TRAPPC9: variants seen among roughly 807,000 people sequenced by gnomAD.
The protein encoded by TRAPPC9 is IKK2 binding protein.
In TRAPPC9, 83 loss-of-function variants were observed where a neutral mutation model predicts 124.0. The observed-to-expected ratio is 0.67, with a 90% CI of 0.56 to 0.80. TRAPPC9 has a LOEUF of 0.80. TRAPPC9 is among the 30% of genes least tolerant of loss of function. TRAPPC9 has a pLI of 0.00. For synonymous variants in TRAPPC9, 638 were observed against 617.5 expected, an observed-to-expected ratio of 1.03 and a Z score of -0.49; for missense variants, 1,302 against 1,508.3, an observed-to-expected ratio of 0.86 and a Z score of 2.27.
intron 17 of TRAPPC9, among the ~76,000 whole-genome samples, chr8:140,056,939 G>A (rs932555364): frequency 1.8e-4 from 28 of 152,066 alleles, no homozygotes; most frequent in African/African-American, 3.6e-4. Context: ...TATCCAAAAC[G>A]TATAAAGAAC....
At chr8:140,324,097 T>C (rs1327109775) in intron 9 of TRAPPC9, among the ~76,000 whole-genome samples, 1 of 152,152 alleles carries the variant, frequency 6.6e-6, no homozygotes, top group Non-Finnish European at 1.5e-5. Context: ...TCTTTTGCCT[T>C]GCATCCTTAC....
intron 18 of TRAPPC9, among the ~76,000 whole-genome samples, chr8:139,995,879 A>C (rs1219224710): frequency 6.6e-6 from 1 of 150,646 alleles, no homozygotes; most frequent in African/African-American, 2.4e-5. Context: ...AAAAAAAAAA[A>C]AAAAGTACCA....
chr8:140,075,620 TA>T (rs1400571529), intron 17 of TRAPPC9, among the ~76,000 whole-genome samples: 1 of 152,204 alleles, frequency 6.6e-6, no homozygotes, highest in East Asian at 1.9e-4. Context: ...CAACATTTGT[TA>T]AGCATGTATA....
chr8:139,948,988 GCTTGAA>G (rs1834458679), intron 19 of TRAPPC9, among the ~76,000 whole-genome samples: 1 of 152,018 alleles, frequency 6.6e-6, no homozygotes, highest in Non-Finnish European at 1.5e-5. Context: ...CGGGAGAATC[GCTTGAA>G]CCCAGGAGGC....
chr8:140,414,230 T>TA (rs2069818517), intron 5 of TRAPPC9, among the ~76,000 whole-genome samples: 2 of 152,048 alleles, frequency 1.3e-5, no homozygotes, highest in Non-Finnish European at 2.9e-5. Context: ...TAGAAATTTT[T>TA]AAAAAATAAA....
At chr8:140,038,287 C>G (rs1841042236) in intron 17 of TRAPPC9, among the ~76,000 whole-genome samples, 1 of 152,224 alleles carries the variant, frequency 6.6e-6, no homozygotes, top group Admixed American at 6.5e-5. Context: ...TTGTTCACCT[C>G]TGCTCACCCG....
chr8:140,334,455 G>A (rs1362545679), intron 9 of TRAPPC9, among the ~76,000 whole-genome samples: 1 of 152,078 alleles, frequency 6.6e-6, no homozygotes, highest in African/African-American at 2.4e-5. Context: ...TTCGACACTA[G>A]CCTAGCCAAC....
Position 139,901,022 on chromosome 8 carries a change from A to C in TRAPPC9, c.2964+9125T>G, listed in dbSNP as rs190903657. Among the ~76,000 whole-genome samples the C allele has an allele frequency of 2.0e-5, 3 of 150,246 alleles. No homozygotes were observed. The East Asian group carries it at 5.8e-4, about 29-fold the overall frequency. ...TAAATAAAATAAATAAATAAATAAA[A>C]ATAAAATAAAAGTAAGTGCTATGCT... On this transcript the variant is annotated intron_variant, in intron 20 of 22. Transcript: ENST00000438773.
At chr8:139,860,831 G>T (rs557695842) in intron 21 of TRAPPC9, among the ~76,000 whole-genome samples, 10 of 152,346 alleles carry the variant, frequency 6.6e-5, no homozygotes, top group African/African-American at 1.9e-4. Flanking sequence ...TCCTGCTGAG[G>T]GGCCTCCCAG....
At chr8:140,397,544 A>G in intron 7 of TRAPPC9, 76 bp downstream of exon 7, 1 of 1,576,642 alleles carries the variant, frequency 6.3e-7, no homozygotes, top group South Asian at 1.1e-5. Context: ...GCAAAACGAA[A>G]TAAGCTGAAT....
At chr8:140,283,762 A>G (rs905664672) in intron 14 of TRAPPC9, 127 bp downstream of exon 14, 18 of 999,924 alleles carry the variant, frequency 1.8e-5, no homozygotes, top group African/African-American at 4.8e-5. Context: ...CTTATCTTAC[A>G]GAAATCCTTC....
At chr8:140,158,431 G>A (rs1276747359) in intron 17 of TRAPPC9, among the ~76,000 whole-genome samples, 1 of 152,212 alleles carries the variant, frequency 6.6e-6, no homozygotes, top group Non-Finnish European at 1.5e-5. Flanking sequence ...AAGAGATGCA[G>A]GCAGCCTGCA....
At chr8:140,389,498 G>C (rs753646731) in intron 7 of TRAPPC9, among the ~76,000 whole-genome samples, 1 of 152,128 alleles carries the variant, frequency 6.6e-6, no homozygotes, top group Non-Finnish European at 1.5e-5. Context: ...GAGTGCCACA[G>C]GATGGAACAT....
In TRAPPC9 at chr8:140,442,576, C is replaced by T. The variant is rs557668485; in HGVS notation, c.585-3379G>A. On this transcript the variant is annotated intron_variant, in intron 2 of 22. Transcript: ENST00000438773. The stretch of plus-strand genomic sequence containing the variant: ...TTGCACCACTGCACTCCAACCTGGT[C>T]GACAGAGCGAGCCTCTGTCAAAAAA... 7.1e-5 allele frequency among the ~76,000 whole-genome samples: 10 copies of T among 141,772 alleles called. No homozygotes were observed. In the South Asian group the frequency reaches 1.3e-3, roughly 19 times the overall value. 93.0% of individuals were successfully genotyped at this position (141,772 alleles called of 152,430 possible).
At chr8:139,885,857 T>G (rs1190283712) in intron 21 of TRAPPC9, 22 bp downstream of exon 21, 3 of 1,552,942 alleles carry the variant, frequency 1.9e-6, no homozygotes, top group Non-Finnish European at 2.6e-6. Context: ...CCAGAATCGA[T>G]GGGTGGCTGG....
chr8:139,870,124 T>A (rs577604234), intron 21 of TRAPPC9, among the ~76,000 whole-genome samples: 1 of 152,022 alleles, frequency 6.6e-6, no homozygotes, highest in Non-Finnish European at 1.5e-5. Context: ...CAGAAGAGAG[T>A]CCAACAATTT....
chr8:139,744,730 G>T (rs1818778307), intron 21 of TRAPPC9, among the ~76,000 whole-genome samples: 1 of 152,202 alleles, frequency 6.6e-6, no homozygotes, highest in Non-Finnish European at 1.5e-5. Flanking sequence ...CTCTTCCCTG[G>T]CATCCTGGGA....
At chr8:139,747,149 C>G (rs1298777249) in intron 21 of TRAPPC9, among the ~76,000 whole-genome samples, 1 of 152,188 alleles carries the variant, frequency 6.6e-6, no homozygotes, top group African/African-American at 2.4e-5. Flanking sequence ...TTCTCTCAAG[C>G]CTGTCTAAAT....
intron 16 of TRAPPC9, among the ~76,000 whole-genome samples, chr8:140,232,091 C>A (rs1474066649): frequency 6.6e-6 from 1 of 151,320 alleles, no homozygotes; most frequent in African/African-American, 2.4e-5. Flanking sequence ...TTTAAAAAAA[C>A]ATCTTAAAAT....
Sources: gnomAD v4.1 joint callset for allele counts (sites outside exome capture counted in the v4.1 genomes callset) on GRCh38, gnomAD v4.1.1 for gene constraint, MANE v1.5 for transcripts, NCBI Gene and HGNC (gene_info 2026-07-23, HGNC 2026-07-21) for gene names.